Variants in GRK2 observed in about 807,000 individuals in gnomAD.
GRK2 encodes adrenergic beta receptor kinase 1.
In GRK2, 23 loss-of-function variants were observed where a neutral mutation model predicts 97.8. That is an observed-to-expected ratio of 0.24 (90% CI 0.17 to 0.33). The LOEUF is 0.33. Ranked by LOEUF, GRK2 falls within the 10% of genes least tolerant of loss-of-function variation. The probability of loss-of-function intolerance (pLI) is 1.00; values close to 1 mark genes in which losing one functional copy is unlikely to be tolerated. For synonymous variants in GRK2, 425 were observed against 381.7 expected (o/e 1.11, Z -1.32); for missense variants, 633 against 956.9 (o/e 0.66, Z 4.47).
At chr11:67,278,162 C>G (rs1860073877) in intron 2 of GRK2, among the ~76,000 whole-genome samples, 1 of 152,250 alleles carries the variant, frequency 6.6e-6, no homozygotes, top group African/African-American at 2.4e-5. Context: ...ACTGTGCCCA[C>G]TGTGAAGCCT....
In GRK2 at chr11:67,285,774, G is replaced by A; in HGVS notation, c.*324G>A. ...CCCTGGGCTCTGTGGGCTGCACTCT[G>A]TGCCCATGGGCACTGCTGGGTGGCC... On this transcript the variant is annotated 3_prime_UTR_variant, in exon 21 of 21. Coordinates refer to ENST00000308595, the MANE Select transcript of GRK2 (RefSeq NM_001619.5). The A allele has an allele frequency of 2.7e-6, 1 of 367,868 alleles. No homozygotes were observed. The highest frequency in any genetic ancestry group is 5.0e-6 in the Non-Finnish European group (1 of 201,558). 22.8% of individuals were successfully genotyped at this position (367,868 alleles called of 1,614,324 possible). A position where few individuals can be genotyped will look rare whatever the true frequency, so the allele number is the denominator to read the frequency against.
chr11:67,269,805 G>A lies in GRK2; in HGVS notation c.113+2993G>A, dbSNP rs61758510. Among the ~76,000 whole-genome samples the A allele has an allele frequency of 1.3e-3, 197 of 152,366 alleles. 1 individual carries two copies. The highest frequency in any genetic ancestry group is 0.012 in the South Asian group (59 of 4,832). Reference sequence around the variant, plus strand: ...CCCTCCATGGCTGGTGCCTGGGGATGTGTCTTGGCCAAGAACTGGGGCTGG... The same window carrying A: ...CCCTCCATGGCTGGTGCCTGGGGATATGTCTTGGCCAAGAACTGGGGCTGG... On this transcript the variant is annotated intron_variant, in intron 1 of 20. Transcript: ENST00000308595. The surrounding 1 kb of genome is among the most constrained non-coding windows in gnomAD (Gnocchi z 4.1).
intron 6 of GRK2, 92 bp downstream of exon 6, chr11:67,279,992 A>C: frequency 1.5e-6 from 2 of 1,327,744 alleles, no homozygotes; most frequent in Non-Finnish European, 2.2e-6. Context: ...GCCAGCCTTC[A>C]TTAGGCCCTG....
rs1860043141 is a variant in GRK2, at chr11:67,276,929, G to A, written c.114-343G>A. On this transcript the variant is annotated intron_variant, in intron 1 of 20. Transcript: ENST00000308595. The surrounding 1 kb of genome is among the most constrained non-coding windows in gnomAD (Gnocchi z 4.2). The stretch of plus-strand genomic sequence containing the variant: ...ATGCCACATGTGTGTCTTTTCATCC[G>A]CTCACAAACCAGGCTTGGCTTTTGT... 9.6e-6 allele frequency: 2 copies of A among 207,746 alleles called. No individual in the cohort carries two copies. Among genetic ancestry groups the A allele is most frequent in the Admixed American group, 5.7e-5 (1 of 17,512 alleles). 12.9% of individuals were successfully genotyped at this position (207,746 alleles called of 1,614,324 possible).
chr11:67,279,609 A>G lies in GRK2; in HGVS notation c.367-17A>G. 2.5e-6 allele frequency: 4 copies of G among 1,613,082 alleles called. No homozygotes were observed. The highest frequency in any genetic ancestry group is 3.4e-6 in the Non-Finnish European group (4 of 1,179,816). On this transcript the variant is annotated splice_polypyrimidine_tract_variant and intron_variant, in intron 4 of 20. Transcript: ENST00000308595. ...AGGACCCTGCTGAGAATTCATGGCC[A>G]CCTCTGTCTTCCCCAGCCCTTCTCG...
chr11:67,277,426 A>G (rs1860055195), intron 2 of GRK2, 78 bp downstream of exon 2: 1 of 1,334,878 alleles, frequency 7.5e-7, no homozygotes, highest in Admixed American at 1.8e-5. Flanking sequence ...TGTGCTCCCC[A>G]CTCTCCAGAG....
rs1377308342 is a variant in GRK2, at chr11:67,285,835, A to G, written c.*385A>G. On this transcript the variant is annotated 3_prime_UTR_variant, in exon 21 of 21. Transcript: ENST00000308595. ...CACCAGGGGCAGGCACAGCACAGGG[A>G]TCCGACTTGAATTTTCCCACTGCAC... 1.2e-5 allele frequency: 3 copies of G among 254,352 alleles called. No homozygotes were observed. Among genetic ancestry groups the G allele is most frequent in the African/African-American group, 6.8e-5 (3 of 44,090 alleles). The allele number at this position is 254,352 out of a possible 1,614,324, so 15.8% of individuals were successfully genotyped here.
chr11:67,281,288 C>A lies in GRK2; in HGVS notation c.647+104C>A. The A allele has an allele frequency of 1.7e-6, 2 of 1,156,732 alleles. No individual in the cohort carries two copies. Among genetic ancestry groups the A allele is most frequent in the Admixed American group, 2.0e-5 (1 of 50,256 alleles). The allele number at this position is 1,156,732 out of a possible 1,614,324, so 71.7% of individuals were successfully genotyped here. ...AGGGCCACCTGCTGCTCCATGCACT[C>A]CTGTCTTGCCGTGCTGTTACCCCCG... On this transcript the variant is annotated intron_variant, in intron 8 of 20. Transcript: ENST00000308595. This position sits in a 1 kb window ranked among gnomAD's most constrained non-coding sequence, Gnocchi z 5.7.
chr11:67,283,209 T>C lies in GRK2; in HGVS notation c.1309T>C (p.Leu437=). The C allele has an allele frequency of 6.2e-7, 1 of 1,613,926 alleles. No homozygotes were observed. The highest frequency in any genetic ancestry group is 8.5e-7 in the Non-Finnish European group (1 of 1,179,954). Residue 437 remains leucine (L), a synonymous_variant, in exon 15 of 21, where the codon TTG becomes CTG. Transcript: ENST00000308595. ...GCTGCAGAGGGATGTCAACCGGAGA[T>C]TGGGCTGCCTGGGCCGAGGGTGAGT... The part of the protein sequence containing the change: ...GLLQRDVNRR[L]GCLGRGAQEV...
intron 15 of GRK2, 72 bp downstream of exon 15, chr11:67,283,300 T>C: frequency 2.2e-6 from 3 of 1,363,236 alleles, no homozygotes; most frequent in Non-Finnish European, 3.1e-6. Flanking sequence ...TCCCGTCACC[T>C]GGAACCCCCT....
At chr11:67,278,824 G>T (rs552466305) in intron 2 of GRK2, among the ~76,000 whole-genome samples, 2 of 152,218 alleles carry the variant, frequency 1.3e-5, no homozygotes, top group South Asian at 2.1e-4. Flanking sequence ...CCGGTGGGGG[G>T]TATCGGCCTC....
intron 2 of GRK2, among the ~76,000 whole-genome samples, chr11:67,278,376 AG>A (rs751608465): frequency 2.0e-4 from 30 of 152,270 alleles, no homozygotes; most frequent in Non-Finnish European, 4.0e-4. Context: ...TCCAGGGTCC[AG>A]GCCCCTTACT....
intron 2 of GRK2, 145 bp from the exon 3 acceptor site, chr11:67,279,055 C>T (rs1860090404): frequency 1.5e-6 from 1 of 687,986 alleles, no homozygotes; most frequent in East Asian, 2.7e-5. Context: ...TAGCAGCTGC[C>T]TGGCCCACCC....
chr11:67,268,615 G>A (rs541162940), intron 1 of GRK2, among the ~76,000 whole-genome samples: 3 of 152,214 alleles, frequency 2.0e-5, no homozygotes, highest in Admixed American at 6.5e-5. Context: ...GTCTGCGTTC[G>A]GGTAATCTCC....
At position 67,282,498 on chromosome 11, in the gene GRK2, C is replaced by G; in HGVS notation, c.1116C>G (p.Ala372=). 6.2e-7 allele frequency: 1 copy of G among 1,613,740 alleles called. No individual in the cohort carries two copies. Among genetic ancestry groups the G allele is most frequent in the South Asian group, 1.1e-5 (1 of 91,078 alleles). ...AGGGCGTGGCCTACGACAGCAGTGC[C>G]GACTGGTTCTCTCTGGGGTGCATGC... ...LQKGVAYDSS[A]DWFSLGCMLF... is the part of the protein sequence containing the mutation. Residue 372 remains alanine, a synonymous_variant, in exon 13 of 21, where the codon GCC becomes GCG. Transcript: ENST00000308595. The surrounding 1 kb of genome is among the most constrained non-coding windows in gnomAD (Gnocchi z 6.9).
intron 19 of GRK2, 39 bp downstream of exon 19, chr11:67,285,022 G>C: frequency 1.9e-6 from 3 of 1,612,098 alleles, no homozygotes; most frequent in Non-Finnish European, 2.5e-6. Flanking sequence ...CCGGGCTTCC[G>C]GGTGGCTGGC....
chr11:67,275,968 G>A (rs137954201), intron 1 of GRK2, among the ~76,000 whole-genome samples: 179 of 152,340 alleles, frequency 1.2e-3, no homozygotes, highest in African/African-American at 4.0e-3. Flanking sequence ...GATGTGCAGC[G>A]GGTCCTCGTG....
At chr11:67,284,691 A>G (rs1860231960) in intron 18 of GRK2, 156 bp from the exon 19 acceptor site, 1 of 1,026,832 alleles carries the variant, frequency 9.7e-7, no homozygotes, top group Non-Finnish European at 1.4e-6. Context: ...CGGGAGGCTG[A>G]GGCGGGAGGA....
chr11:67,279,757 C>G lies in GRK2; in HGVS notation c.441+57C>G, dbSNP rs989572032. The G allele has an allele frequency of 3.7e-6, 6 of 1,612,842 alleles. 1 individual carries two copies. The African/African-American group carries it at 8.0e-5, about 22-fold the overall frequency. Reference sequence around the variant, plus strand: ...GTCACCTTGGACAGCCCCTGGTCAACAAGCCTGGTCAGCCAGGGGTGGGGC... The same window carrying G: ...GTCACCTTGGACAGCCCCTGGTCAAGAAGCCTGGTCAGCCAGGGGTGGGGC... On this transcript the variant is annotated intron_variant, in intron 5 of 20. Transcript: ENST00000308595.
Sources: allele counts gnomAD v4.1 joint callset (sites outside exome capture counted in the v4.1 genomes callset), GRCh38; gene constraint gnomAD v4.1.1; non-coding constraint Gnocchi (gnomAD v3.1); transcripts MANE v1.5; gene names NCBI Gene and HGNC (gene_info 2026-07-23, HGNC 2026-07-21).